The following TNR variants were observed in gnomAD, a reference collection of about 807,000 sequenced individuals.
TNR encodes tenascin R, also known as tenascin-R.
Under a neutral mutation model 150.4 loss-of-function variants are expected in TNR, and 45 were observed. The ratio of observed to expected loss-of-function variants is 0.30; its 90% CI spans 0.24 to 0.38. The LOEUF is 0.38. Ranked by LOEUF, TNR falls within the 10% of genes least tolerant of loss-of-function variation. TNR has a pLI of 1.00. For missense variants in TNR, 1,544 were observed against 1,759.1 expected (o/e 0.88, Z 2.19); for synonymous variants, 687 against 678.4 (o/e 1.01, Z -0.20).
intron 2 of TNR, among the ~76,000 whole-genome samples, chr1:175,506,724 A>G (rs559887687): frequency 2.1e-4 from 32 of 152,346 alleles, no homozygotes; most frequent in Admixed American, 3.9e-4. Flanking sequence ...AAGACTCACA[A>G]TCTGCAATCA....
At position 175,561,688 on chromosome 1, in the gene TNR, A is replaced by C. The variant is rs1661433259; in HGVS notation, c.-164-33319T>G. ...AAACTCTGCTGTGTCCAGACCTTAA[A>C]GAGTCAATCAAATCTAGATTGCAAA... On this transcript the variant is annotated intron_variant, in intron 1 of 22. Transcript: ENST00000367674. Among the ~76,000 whole-genome samples, 3 of 152,368 alleles carry C rather than the reference A, an allele frequency of 2.0e-5. No individual in the cohort carries two copies. The South Asian group carries it at 6.2e-4, about 32-fold the overall frequency.
At chr1:175,489,796 C>T (rs1326530862) in intron 2 of TNR, among the ~76,000 whole-genome samples, 1 of 152,188 alleles carries the variant, frequency 6.6e-6, no homozygotes, top group Non-Finnish European at 1.5e-5. Context: ...TATATACATA[C>T]ATATACATAT....
intron 2 of TNR, among the ~76,000 whole-genome samples, chr1:175,526,489 C>T (rs1659851598): frequency 6.6e-6 from 1 of 152,182 alleles, no homozygotes; most frequent in African/African-American, 2.4e-5. Context: ...TGGACACACA[C>T]AAACCCAGTT....
At chr1:175,501,426 A>G (rs534483487) in intron 2 of TNR, among the ~76,000 whole-genome samples, 5 of 152,288 alleles carry the variant, frequency 3.3e-5, no homozygotes, top group African/African-American at 9.6e-5. Context: ...AATTTCCCCA[A>G]CCACCTGAAT....
At chr1:175,600,028 C>T (rs532182226) in intron 1 of TNR, among the ~76,000 whole-genome samples, 1 of 152,320 alleles carries the variant, frequency 6.6e-6, no homozygotes, top group South Asian at 2.1e-4. Flanking sequence ...TGCATGTTTC[C>T]AGCATTTTAG....
intron 2 of TNR, among the ~76,000 whole-genome samples, chr1:175,500,613 A>C (rs540956220): frequency 1.3e-5 from 2 of 152,326 alleles, no homozygotes; most frequent in East Asian, 3.9e-4. Flanking sequence ...TTTTGTTTTA[A>C]AAGCAGAACC....
intron 1 of TNR, among the ~76,000 whole-genome samples, chr1:175,719,752 A>G (rs911846517): frequency 1.3e-5 from 2 of 152,182 alleles, no homozygotes; most frequent in Non-Finnish European, 2.9e-5. Context: ...TGGGAGATAC[A>G]GCAAGTTCTC....
intron 2 of TNR, among the ~76,000 whole-genome samples, chr1:175,487,769 C>G (rs914076957): frequency 8.5e-5 from 13 of 152,112 alleles, no homozygotes; most frequent in Non-Finnish European, 1.6e-4. Flanking sequence ...GTGCCTGGTA[C>G]GTGGTAAGTT....
At chr1:175,649,104 C>T (rs775670109) in intron 1 of TNR, among the ~76,000 whole-genome samples, 7 of 152,244 alleles carry the variant, frequency 4.6e-5, no homozygotes, top group Non-Finnish European at 8.8e-5. Flanking sequence ...CCATGGCTGC[C>T]CACAGCATGA....
At position 175,379,556 on chromosome 1, in the gene TNR, C is replaced by A. The variant is rs1439487668; in HGVS notation, c.1959G>T (p.Leu653=). ...CAAGAGATAGGTCTTACTCACCTGTCAGGGTGGCCCTGGTGGTTGGACCAA... is the reference window on the plus strand; with the variant it reads ...CAAGAGATAGGTCTTACTCACCTGTAAGGGTGGCCCTGGTGGTTGGACCAA... The part of the protein sequence containing the change: ...RGIGPTTRAT[L]TDLVPGTEYG... The change falls in exon 9 of 23, where the codon CTG becomes CTT. Residue 653 remains leucine (L), a synonymous_variant. Transcript: ENST00000367674. 5.6e-6 allele frequency: 9 copies of A among 1,612,756 alleles called. No individual in the cohort carries two copies. In the Admixed American group the frequency reaches 1.5e-4, roughly 27 times the overall value.
intron 1 of TNR, among the ~76,000 whole-genome samples, chr1:175,576,587 A>G (rs1230961377): frequency 1.3e-5 from 2 of 152,086 alleles, no homozygotes; most frequent in Non-Finnish European, 2.9e-5. Flanking sequence ...GACACCAGCT[A>G]CTCACATAAA....
chr1:175,476,245 C>T (rs1166302187), intron 2 of TNR, among the ~76,000 whole-genome samples: 1 of 152,150 alleles, frequency 6.6e-6, no homozygotes, highest in South Asian at 2.1e-4. Flanking sequence ...AAGGTGATCT[C>T]AGGAAAACCA....
At chr1:175,403,019 T>TG (rs2102045128) in intron 4 of TNR, 121 bp downstream of exon 4, 1 of 852,544 alleles carries the variant, frequency 1.2e-6, no homozygotes, top group East Asian at 2.4e-5. Flanking sequence ...ACAACTCAAT[T>TG]GAGAATTATT....
intron 1 of TNR, among the ~76,000 whole-genome samples, chr1:175,682,643 G>A (rs1331644311): frequency 6.6e-6 from 1 of 152,142 alleles, no homozygotes; most frequent in Non-Finnish European, 1.5e-5. Flanking sequence ...CTGATGGAGA[G>A]GACTAGCCTT....
At chr1:175,620,013 G>A (rs537339311) in intron 1 of TNR, among the ~76,000 whole-genome samples, 5 of 152,208 alleles carry the variant, frequency 3.3e-5, no homozygotes, top group African/African-American at 7.2e-5. Context: ...TTAAATGGAA[G>A]GGGAGAATTA....
chr1:175,666,319 G>A (rs1283701231), intron 1 of TNR, among the ~76,000 whole-genome samples: 2 of 152,094 alleles, frequency 1.3e-5, no homozygotes, highest in Non-Finnish European at 2.9e-5. Flanking sequence ...CCTGCTTCTT[G>A]TATCCTAAGG....
chr1:175,521,229 C>G (rs1659625784), intron 2 of TNR, among the ~76,000 whole-genome samples: 1 of 152,184 alleles, frequency 6.6e-6, no homozygotes, highest in African/African-American at 2.4e-5. Context: ...CTTTACCAAT[C>G]TCTTCATTTC....
rs1451581621 is a variant in TNR at position 175,323,254 on chromosome 1, A to C, written c.*103T>G. 2.0e-6 allele frequency: 3 copies of C among 1,467,774 alleles called. No individual in the cohort carries two copies. The highest frequency in any genetic ancestry group is 2.8e-6 in the Non-Finnish European group (3 of 1,075,912). 90.9% of individuals were successfully genotyped at this position (1,467,774 alleles called of 1,614,324 possible). On this transcript the variant is annotated 3_prime_UTR_variant, in exon 23 of 23. Coordinates refer to ENST00000367674, the MANE Select transcript of TNR (RefSeq NM_003285.3). ...ATCCCTGCTTCCTTCACATACTCTT[A>C]ATATGTTGCAAAACACATTGCTATT...
rs751936280 is a variant in TNR at position 175,720,257 on chromosome 1, GCTCT to G, written c.-165+22965_-165+22968del. Among the ~76,000 whole-genome samples, 47 of 151,052 alleles carry G rather than the reference GCTCT, an allele frequency of 3.1e-4. 1 individual carries two copies. Among genetic ancestry groups the G allele is most frequent in the Admixed American group, 7.2e-4 (11 of 15,194 alleles). On this transcript the variant is annotated intron_variant, in intron 1 of 22. Transcript: ENST00000367674. ...GACCAGAGCTCACTTGCTCTCTTGT[GCTCT>G]CTCTCTCTCTCTTTCTGTCATGTGA...
Sources: gnomAD v4.1 joint callset for allele counts (sites outside exome capture counted in the v4.1 genomes callset) on GRCh38, gnomAD v4.1.1 for gene constraint, MANE v1.5 for transcripts, NCBI Gene and HGNC (gene_info 2026-07-23, HGNC 2026-07-21) for gene names.